CSMD3: variants seen among roughly 807,000 people sequenced by gnomAD.
CSMD3 encodes the protein CUB and sushi domain-containing protein 3.
Under a neutral mutation model 435.2 loss-of-function variants are expected in CSMD3, and 177 were observed. The observed-to-expected ratio is 0.41, with a 90% CI of 0.36 to 0.46. CSMD3 has a LOEUF of 0.46. CSMD3 is among the 20% of genes least tolerant of loss of function. CSMD3 has a pLI of 0.34. For synonymous variants in CSMD3, 1,656 were observed against 1,520.5 expected (o/e 1.09, Z -2.07); for missense variants, 4,265 against 4,504.6 (o/e 0.95, Z 1.52).
rs1314588305 is a variant in CSMD3, at chr8:113,173,895, C to T, written c.536G>A (p.Gly179Glu). The part of the protein sequence containing the change: ...YYEELQSSSC[G>E]NPGVPPKGVL... ...ACCTTTGGGTGGAACACCAGGATTT[C>T]CACAAGAGCTACTCTGCAATTCTAT... Residue 179 changes from glycine to glutamate, a missense_variant, in exon 4 of 71, where the codon GGA (glycine) becomes GAA (glutamate). Physicochemically the swap from Gly to Glu is moderately conservative, Grantham distance 98 (BLOSUM62 -2). This residue lies in a region of CSMD3 where 731 missense variants were observed against 755.4 expected (regional missense o/e 0.97). Coordinates refer to ENST00000297405, the MANE Select transcript of CSMD3 (RefSeq NM_198123.2). 2.5e-6 allele frequency: 4 copies of T among 1,613,306 alleles called. No homozygotes were observed. The highest frequency in any genetic ancestry group is 3.4e-6 in the Non-Finnish European group (4 of 1,179,444).
chr8:113,226,715 G>A (rs990949051), intron 3 of CSMD3, among the ~76,000 whole-genome samples: 5 of 151,554 alleles, frequency 3.3e-5, no homozygotes, highest in African/African-American at 9.7e-5. Context: ...AGCAGTGCAC[G>A]GGACTAGGAT....
At chr8:113,182,854 A>G (rs1000618797) in intron 3 of CSMD3, among the ~76,000 whole-genome samples, 5 of 150,612 alleles carry the variant, frequency 3.3e-5, no homozygotes, top group African/African-American at 1.2e-4. Context: ...TGGGAGATGC[A>G]CAGCAGTTTT....
At chr8:112,761,487 A>C (rs1490694542) in intron 13 of CSMD3, among the ~76,000 whole-genome samples, 1 of 152,100 alleles carries the variant, frequency 6.6e-6, no homozygotes, top group African/African-American at 2.4e-5. Flanking sequence ...ATATCCTGTA[A>C]ATATTTTTCA....
chr8:112,925,552 C>CAA (rs112849223), intron 9 of CSMD3, among the ~76,000 whole-genome samples: 48 of 145,620 alleles, frequency 3.3e-4, no homozygotes, highest in East Asian at 2.0e-3. Context: ...GACGCCATCT[C>CAA]AAAAAAAAAA....
chr8:112,280,416 A>G (rs2130569593), intron 59 of CSMD3, among the ~76,000 whole-genome samples: 1 of 151,878 alleles, frequency 6.6e-6, no homozygotes. Context: ...GACTCCAGGC[A>G]TGCACCACCA....
chr8:112,270,628 T>C (rs1024110035), intron 59 of CSMD3, among the ~76,000 whole-genome samples: 2 of 152,148 alleles, frequency 1.3e-5, no homozygotes, highest in African/African-American at 4.8e-5. Flanking sequence ...TTAAATGATT[T>C]TTTATTAACT....
intron 1 of CSMD3, chr8:113,376,852 C>T (rs2094387232): frequency 6.2e-7 from 1 of 1,612,478 alleles, no homozygotes; most frequent in East Asian, 2.2e-5. Flanking sequence ...GCCACCTCTG[C>T]CCCTTTCCCG....
At position 113,299,140 on chromosome 8, in the gene CSMD3, G is replaced by A. The variant is rs550184325; in HGVS notation, c.401+15431C>T. ...CAATACTTTTTAGAAAGATTTGTCT[G>A]TATGATAAAGGATAAATACATAATA... On this transcript the variant is annotated intron_variant, in intron 2 of 70. Coordinates refer to ENST00000297405, the MANE Select transcript of CSMD3 (RefSeq NM_198123.2). Among the ~76,000 whole-genome samples, 5 of 152,250 alleles carry A rather than the reference G, an allele frequency of 3.3e-5. No individual in the cohort carries two copies. In the South Asian group the frequency reaches 1.0e-3, roughly 32 times the overall value.
chr8:112,806,801 T>C (rs143992754), intron 12 of CSMD3, among the ~76,000 whole-genome samples: 2 of 152,320 alleles, frequency 1.3e-5, no homozygotes, highest in Non-Finnish European at 2.9e-5. Flanking sequence ...ACTTCACTGA[T>C]AACATACCTG....
intron 6 of CSMD3, among the ~76,000 whole-genome samples, chr8:112,999,377 A>G (rs2085776943): frequency 1.3e-5 from 2 of 151,902 alleles, no homozygotes; most frequent in African/African-American, 4.8e-5. Flanking sequence ...CAAAAACCCT[A>G]TGACAGAAGG....
Position 112,301,970 on chromosome 8 carries a change from T to C in CSMD3, c.8267-4A>G, listed in dbSNP as rs1165343622. On this transcript the variant is annotated splice_polypyrimidine_tract_variant and splice_region_variant and intron_variant, in intron 52 of 70. Transcript: ENST00000297405. ...GGTAGTTCTCCACAGGAAATAACTT[T>C]AAAATGATAAATAAATAAAAATCCT... 1.9e-6 allele frequency: 3 copies of C among 1,575,604 alleles called. No homozygotes were observed. The highest frequency in any genetic ancestry group is 1.7e-5 in the Admixed American group (1 of 59,816).
At chr8:112,447,687 C>CA (rs1305563519) in intron 32 of CSMD3, among the ~76,000 whole-genome samples, 12 of 152,134 alleles carry the variant, frequency 7.9e-5, no homozygotes, top group African/African-American at 2.9e-4. Context: ...TATATACATG[C>CA]AAAAATACAT....
chr8:112,913,881 T>C (rs2082500204), intron 10 of CSMD3, among the ~76,000 whole-genome samples: 1 of 151,912 alleles, frequency 6.6e-6, no homozygotes, highest in African/African-American at 2.4e-5. Context: ...TCCTTAATCG[T>C]CTTTGAACGG....
intron 13 of CSMD3, among the ~76,000 whole-genome samples, chr8:112,692,754 G>A (rs988621320): frequency 2.0e-5 from 3 of 151,978 alleles, no homozygotes; most frequent in African/African-American, 4.8e-5. Flanking sequence ...GAGATAATGT[G>A]GTCCAAAAAT....
chr8:112,290,226 T>C (rs573067306), intron 56 of CSMD3, among the ~76,000 whole-genome samples: 2 of 152,194 alleles, frequency 1.3e-5, no homozygotes, highest in South Asian at 2.1e-4. Flanking sequence ...CCCCTGTTAG[T>C]TGTACTCAGA....
chr8:112,351,083 C>T, intron 40 of CSMD3, 92 bp downstream of exon 40: 1 of 833,678 alleles, frequency 1.2e-6, no homozygotes, highest in South Asian at 1.6e-5. Context: ...CAGAATGAAA[C>T]TTTAAAATCT....
At chr8:113,433,764 G>A (rs1192714465) in intron 1 of CSMD3, among the ~76,000 whole-genome samples, 2 of 152,194 alleles carry the variant, frequency 1.3e-5, no homozygotes, top group African/African-American at 4.8e-5. Flanking sequence ...TTACATGGGC[G>A]GGACGCTTAA....
chr8:112,561,431 C>T (rs1828614562), intron 24 of CSMD3, among the ~76,000 whole-genome samples: 2 of 151,340 alleles, frequency 1.3e-5, no homozygotes, highest in Non-Finnish European at 3.0e-5. Flanking sequence ...CATATTTCTC[C>T]AAAGATATCT....
intron 70 of CSMD3, among the ~76,000 whole-genome samples, chr8:112,228,357 G>T (rs1467135857): frequency 6.6e-6 from 1 of 152,146 alleles, no homozygotes; most frequent in African/African-American, 2.4e-5. Flanking sequence ...GAACTAAGAG[G>T]TTTGGACACA....
Sources: gnomAD v4.1 joint callset for allele counts (sites outside exome capture counted in the v4.1 genomes callset) on GRCh38, gnomAD v4.1.1 for gene constraint, gnomAD v4.1.1 regional missense constraint, MANE v1.5 for transcripts, NCBI Gene and HGNC (gene_info 2026-07-23, HGNC 2026-07-21) for gene names.